Variants in PNLIPRP1 observed in about 807,000 individuals in gnomAD.
The protein encoded by PNLIPRP1 is pancreatic lipase related protein 1, also known as inactive pancreatic lipase-related protein 1.
PNLIPRP1 carries 57 observed loss-of-function variants against 54.6 expected under a neutral mutation model. The ratio of observed to expected loss-of-function variants is 1.04; its 90% CI spans 0.84 to 1.30. The LOEUF (loss-of-function observed/expected upper bound fraction) is 1.30. Ranked by LOEUF, PNLIPRP1 falls within the 50% of genes most tolerant of loss-of-function variation. The pLI is 0.00. For synonymous variants in PNLIPRP1, 232 were observed against 208.8 expected (o/e 1.11, Z -0.96); for missense variants, 567 against 568.5 (o/e 1.00, Z 0.03).
At chr10:116,607,568 G>A (rs185553610) in intron 12 of PNLIPRP1, among the ~76,000 whole-genome samples, 18 of 152,198 alleles carry the variant, frequency 1.2e-4, no homozygotes, top group African/African-American at 3.9e-4. Context: ...CATGAGGGGC[G>A]ACAGGGCCCA....
Position 116,604,112 on chromosome 10 carries a change from A to G in PNLIPRP1, c.1146A>G (p.Gly382=). Residue 382 remains glycine (G), a synonymous_variant, in exon 11 of 13, where the codon GGA becomes GGG. Transcript: ENST00000358834. ...QIKVALFGNK[G]NTHQYSIFRG... ...AAGTTGCTTTGTTTGGAAATAAGGG[A>G]AACACTCACCAGTACAGTATCTTCA... 1.2e-6 allele frequency: 2 copies of G among 1,608,426 alleles called. No individual in the cohort carries two copies. Among genetic ancestry groups the G allele is most frequent in the South Asian group, 2.2e-5 (2 of 90,940 alleles).
rs1847708249 is a variant in PNLIPRP1, at chr10:116,594,861, C to T, written c.462C>T (p.Leu154=). The T allele has an allele frequency of 6.2e-7, 1 of 1,613,908 alleles. No individual in the cohort carries two copies. The highest frequency in any genetic ancestry group is 8.5e-7 in the Non-Finnish European group (1 of 1,179,998). ...GAQVAQMLDI[L]LTEYSYPPSK... ...AGGTGGCCCAGATGCTCGACATCCT[C>T]TTGGTGAGTCAGCTGGCTGGCCTAT... The change falls in exon 5 of 13, where the codon CTC becomes CTT. Residue 154 remains leucine (L), a synonymous_variant. Coordinates refer to ENST00000358834, the MANE Select transcript of PNLIPRP1 (RefSeq NM_006229.4).
At chr10:116,598,610 T>C (rs1256221677) in intron 8 of PNLIPRP1, among the ~76,000 whole-genome samples, 1 of 152,328 alleles carries the variant, frequency 6.6e-6, no homozygotes, top group East Asian at 1.9e-4. Flanking sequence ...CCCAGTGGTT[T>C]CCACAGCAAG....
intron 12 of PNLIPRP1, among the ~76,000 whole-genome samples, chr10:116,607,616 T>C (rs1285139877): frequency 2.6e-5 from 4 of 151,850 alleles, no homozygotes; most frequent in African/African-American, 4.8e-5. Context: ...CGATGCCAAG[T>C]TAGGGCTTCT....
chr10:116,600,006 C>A, intron 8 of PNLIPRP1, 41 bp from the exon 9 acceptor site: 3 of 1,301,532 alleles, frequency 2.3e-6, no homozygotes, highest in Non-Finnish European at 3.3e-6. Flanking sequence ...CTGTTACAGG[C>A]CCCCAACCAC....
Position 116,594,747 on chromosome 10 carries a change from G to T in PNLIPRP1, c.348G>T (p.Glu116Asp). Residue 116 changes from glutamate (E) to aspartate (D), a missense_variant, in exon 5 of 13, where the codon GAG becomes GAT. Coordinates refer to ENST00000358834, the MANE Select transcript of PNLIPRP1 (RefSeq NM_006229.4). ...TDMCKKLFEV[E>D]EVNCICVDWK... ...AACACCAGAAACTGTTCGAGGTGGA[G>T]GAGGTGAACTGCATCTGCGTGGACT... 1 of 1,614,192 alleles carries T rather than the reference G, an allele frequency of 6.2e-7. No homozygotes were observed.
intron 5 of PNLIPRP1, 88 bp from the exon 6 acceptor site, chr10:116,596,126 T>C: frequency 1.1e-6 from 1 of 875,676 alleles, no homozygotes; most frequent in South Asian, 1.5e-5. Flanking sequence ...CATGGAAGGT[T>C]TTCAGCAGAG....
At chr10:116,607,778 C>T (rs1042896476) in intron 12 of PNLIPRP1, among the ~76,000 whole-genome samples, 5 of 152,142 alleles carry the variant, frequency 3.3e-5, no homozygotes, top group Non-Finnish European at 7.3e-5. Flanking sequence ...CTTACATCTG[C>T]ATTGTTTTTT....
chr10:116,601,153 G>A lies in PNLIPRP1; in HGVS notation c.1015G>A (p.Glu339Lys), dbSNP rs1462919934. The change falls in exon 10 of 13, where the codon GAG becomes AAG. Residue 339 changes from glutamate to lysine, a missense_variant. Glu to Lys is a moderately conservative substitution (Grantham distance 56). Coordinates refer to ENST00000358834, the MANE Select transcript of PNLIPRP1 (RefSeq NM_006229.4). ...ADKFAGRTSE[E>K]QQKFFLNTGE... The stretch of plus-strand genomic sequence containing the variant: ...TAAATTTGCTGGCAGGACAAGTGAA[G>A]AGCAGCAGAAATTCTTCTTGAACAC... 1.2e-6 allele frequency: 2 copies of A among 1,614,102 alleles called. No homozygotes were observed. The highest frequency in any genetic ancestry group is 1.7e-5 in the Admixed American group (1 of 60,016).
chr10:116,599,952 G>A, intron 8 of PNLIPRP1, 95 bp from the exon 9 acceptor site: 1 of 762,096 alleles, frequency 1.3e-6, no homozygotes. Context: ...TGAAAATACG[G>A]TCCTACTTTG....
chr10:116,608,657 G>A (rs1217000663), intron 12 of PNLIPRP1, among the ~76,000 whole-genome samples: 1 of 152,252 alleles, frequency 6.6e-6, no homozygotes, highest in Non-Finnish European at 1.5e-5. Context: ...GGCTGCAGAT[G>A]AGAAGGGCTC....
In PNLIPRP1 at chr10:116,591,799, G is replaced by A. The variant is rs1554863198; in HGVS notation, c.78G>A (p.Gly26=). 4 of 1,614,082 alleles carry A rather than the reference G, an allele frequency of 2.5e-6. No individual in the cohort carries two copies. Among genetic ancestry groups the A allele is most frequent in the Non-Finnish European group, 2.5e-6 (3 of 1,180,048 alleles). ...KGKEVCYEDL[G]CFSDTEPWGG... is the part of the protein sequence containing the mutation. Reference sequence around the variant, plus strand: ...AAGAAGTTTGCTATGAGGACCTCGGGTGCTTTTCTGACACTGAGCCCTGGG... The same window carrying A: ...AAGAAGTTTGCTATGAGGACCTCGGATGCTTTTCTGACACTGAGCCCTGGG... The change falls in exon 3 of 13, where the codon GGG becomes GGA. Residue 26 remains glycine, a synonymous_variant. Coordinates refer to ENST00000358834, the MANE Select transcript of PNLIPRP1 (RefSeq NM_006229.4).
At chr10:116,599,025 C>A (rs1168692269) in intron 8 of PNLIPRP1, among the ~76,000 whole-genome samples, 1 of 152,030 alleles carries the variant, frequency 6.6e-6, no homozygotes, top group Non-Finnish European at 1.5e-5. Flanking sequence ...GAGGCCGAGG[C>A]GGGCAAATCA....
intron 8 of PNLIPRP1, among the ~76,000 whole-genome samples, chr10:116,599,472 G>C (rs12268800): frequency 0.059 from 8,925 of 152,068 alleles, 881 homozygotes; most frequent in African/African-American, 0.2. Flanking sequence ...CAGAAAGGTT[G>C]CAAGTAAAAT....
chr10:116,601,321 CA>C, intron 10 of PNLIPRP1, 120 bp downstream of exon 10: 1 of 912,198 alleles, frequency 1.1e-6, no homozygotes, highest in South Asian at 1.7e-5. Context: ...TAGAAATGGA[CA>C]CATTTACCGA....
chr10:116,593,346 T>C (rs1377849921), intron 4 of PNLIPRP1, among the ~76,000 whole-genome samples: 5 of 151,984 alleles, frequency 3.3e-5, no homozygotes, highest in African/African-American at 1.2e-4. Context: ...CACACACACA[T>C]GTGCGTGCAA....
chr10:116,592,132 C>G (rs1178046015), intron 3 of PNLIPRP1: 1 of 637,414 alleles, frequency 1.6e-6, no homozygotes, highest in East Asian at 2.7e-5. Context: ...TTTGCCAGAA[C>G]CTCTAGCTAC....
chr10:116,597,763 C>A (rs898675297), intron 6 of PNLIPRP1, 65 bp from the exon 7 acceptor site: 58 of 1,601,778 alleles, frequency 3.6e-5, no homozygotes, highest in Admixed American at 1.5e-4. Context: ...GGCAGCTGTA[C>A]ACCTTGGTGC....
chr10:116,605,687 C>T (rs1847925755), intron 12 of PNLIPRP1, 134 bp downstream of exon 12: 1 of 539,848 alleles, frequency 1.9e-6, no homozygotes, highest in Non-Finnish European at 3.2e-6. Flanking sequence ...CCCCTTCTCC[C>T]CAAACAAGCA....
Sources: gnomAD v4.1 joint callset for allele counts (sites outside exome capture counted in the v4.1 genomes callset) on GRCh38, gnomAD v4.1.1 for gene constraint, MANE v1.5 for transcripts, NCBI Gene and HGNC (gene_info 2026-07-23, HGNC 2026-07-21) for gene names.